Variants in C10orf67 observed in about 807,000 individuals in gnomAD.
The protein encoded by C10orf67 is uncharacterized protein C10orf67, mitochondrial.
In C10orf67, 60 loss-of-function variants were observed where a neutral mutation model predicts 35.6. The observed-to-expected ratio is 1.68, with a 90% CI of 1.37 to 2.09. The LOEUF (loss-of-function observed/expected upper bound fraction) is 2.09. Among genes scored for constraint, C10orf67 ranks in the 30% most tolerant of loss-of-function variants. The probability of loss-of-function intolerance (pLI) is 0.00; values close to 1 mark genes in which losing one functional copy is unlikely to be tolerated. For missense variants in C10orf67, 474 were observed against 330.2 expected (o/e 1.44, Z -3.38); for synonymous variants, 167 against 115.8 (o/e 1.44, Z -2.84).
chr10:23,329,183 T>C (rs1407406778), intron 2 of C10orf67, among the ~76,000 whole-genome samples: 1 of 151,822 alleles, frequency 6.6e-6, no homozygotes, highest in Non-Finnish European at 1.5e-5. Flanking sequence ...TAGACAATTC[T>C]GCCAAGAGTC....
At chr10:23,289,248 C>G (rs117414485) in intron 7 of C10orf67, among the ~76,000 whole-genome samples, 8 of 152,048 alleles carry the variant, frequency 5.3e-5, no homozygotes, top group Non-Finnish European at 7.4e-5. Flanking sequence ...ACTGCAGCCC[C>G]GAACTTCTGA....
At chr10:23,228,890 T>A (rs1401790930) in intron 13 of C10orf67, among the ~76,000 whole-genome samples, 1 of 152,054 alleles carries the variant, frequency 6.6e-6, no homozygotes, top group Non-Finnish European at 1.5e-5. Context: ...TGAGATACCA[T>A]CTCACACCAA....
intron 15 of C10orf67, among the ~76,000 whole-genome samples, chr10:23,216,612 A>T (rs1841438189): frequency 6.6e-6 from 1 of 152,216 alleles, no homozygotes; most frequent in Non-Finnish European, 1.5e-5. Context: ...TAGAATATTC[A>T]TATTATACAA....
intron 13 of C10orf67, among the ~76,000 whole-genome samples, chr10:23,236,604 G>A (rs1161127553): frequency 6.6e-5 from 10 of 152,162 alleles, no homozygotes; most frequent in East Asian, 3.9e-4. Context: ...TTGGCCGGGC[G>A]TGGTGGCTCA....
Position 23,329,772 on chromosome 10 carries a change from T to C in C10orf67, c.327+3290A>G, listed in dbSNP as rs1328140547. On this transcript the variant is annotated intron_variant, in intron 2 of 15. Coordinates refer to ENST00000636213, the MANE Select transcript of C10orf67 (RefSeq NM_001371909.1). ...TTATGATTGTCACTGCACTCCAGCC[T>C]GGGCAACAGAACAAGAACTTGTCTC... Among the ~76,000 whole-genome samples the C allele has an allele frequency of 1.0e-4, 6 of 57,312 alleles. No homozygotes were observed. In the Admixed American group the frequency reaches 1.6e-3, roughly 15 times the overall value. 37.6% of individuals were successfully genotyped at this position (57,312 alleles called of 152,430 possible).
chr10:23,302,879 T>C (rs1249173949), intron 5 of C10orf67, among the ~76,000 whole-genome samples: 2 of 152,330 alleles, frequency 1.3e-5, no homozygotes, highest in Non-Finnish European at 2.9e-5. Flanking sequence ...ATATTTTTAT[T>C]TAAATGTCAT....
intron 5 of C10orf67, among the ~76,000 whole-genome samples, chr10:23,299,312 A>G (rs1843994822): frequency 6.6e-6 from 1 of 152,074 alleles, no homozygotes; most frequent in Non-Finnish European, 1.5e-5. Flanking sequence ...CCTTGGGTCT[A>G]AGGGGGTACT....
At chr10:23,270,245 G>C (rs747300644) in intron 8 of C10orf67, among the ~76,000 whole-genome samples, 1 of 152,142 alleles carries the variant, frequency 6.6e-6, no homozygotes, top group East Asian at 1.9e-4. Flanking sequence ...AAGCAGGGTG[G>C]GGTGATGGTC....
At chr10:23,285,803 T>A (rs1843510286) in intron 7 of C10orf67, among the ~76,000 whole-genome samples, 1 of 152,382 alleles carries the variant, frequency 6.6e-6, no homozygotes, top group South Asian at 2.1e-4. Context: ...ATTTAAATAA[T>A]TGGAAATTAA....
chr10:23,287,778 A>T (rs1304027640), intron 7 of C10orf67, among the ~76,000 whole-genome samples: 5 of 152,210 alleles, frequency 3.3e-5, no homozygotes. Context: ...TTACAAGAAA[A>T]AAACAAACAA....
chr10:23,298,811 T>A (rs1259428501), intron 5 of C10orf67, among the ~76,000 whole-genome samples: 1 of 152,212 alleles, frequency 6.6e-6, no homozygotes, highest in Non-Finnish European at 1.5e-5. Context: ...GGTGGCTTGA[T>A]GACACAAGGT....
chr10:23,202,393 A>C (rs1005125526), downstream of C10orf67: 1 of 152,090 alleles, frequency 6.6e-6, no homozygotes, highest in Non-Finnish European at 1.5e-5. Flanking sequence ...AACCGGCCTC[A>C]GCCCTTTCTG....
intron 15 of C10orf67, among the ~76,000 whole-genome samples, chr10:23,215,297 C>A (rs1841400300): frequency 7.0e-6 from 1 of 143,654 alleles, no homozygotes; most frequent in African/African-American, 2.5e-5. Flanking sequence ...GAAGAGATAT[C>A]TTTTTTTTTT....
At chr10:23,219,071 T>C (rs1264466165) in intron 15 of C10orf67, among the ~76,000 whole-genome samples, 5 of 152,216 alleles carry the variant, frequency 3.3e-5, no homozygotes, top group African/African-American at 1.2e-4. Context: ...AACATACTTA[T>C]TGAAAATATA....
intron 13 of C10orf67, among the ~76,000 whole-genome samples, chr10:23,237,432 T>C (rs1413775860): frequency 6.6e-6 from 1 of 152,222 alleles, no homozygotes; most frequent in Non-Finnish European, 1.5e-5. Flanking sequence ...CTGAGAGATA[T>C]TAAAACAAAC....
chr10:23,328,993 C>CAAAAAAAAA (rs57772405), intron 2 of C10orf67, among the ~76,000 whole-genome samples: 123 of 78,714 alleles, frequency 1.6e-3, no homozygotes, highest in Non-Finnish European at 1.8e-3. Context: ...CATAAACGAA[C>CAAAAAAAAA]AAAAAAAAAA....
intron 5 of C10orf67, among the ~76,000 whole-genome samples, chr10:23,295,030 C>G (rs1420827086): frequency 6.6e-6 from 1 of 152,158 alleles, no homozygotes; most frequent in East Asian, 1.9e-4. Context: ...TTTCCATCAC[C>G]CTCAGTCAGG....
At chr10:23,227,599 A>C (rs1451311568) in intron 13 of C10orf67, among the ~76,000 whole-genome samples, 1 of 152,188 alleles carries the variant, frequency 6.6e-6, no homozygotes, top group Admixed American at 6.5e-5. Flanking sequence ...GCAATCAGGC[A>C]GGAGAAAGAA....
At chr10:23,303,711 G>T (rs1012449936) in intron 4 of C10orf67, among the ~76,000 whole-genome samples, 1 of 152,198 alleles carries the variant, frequency 6.6e-6, no homozygotes, top group African/African-American at 2.4e-5. Flanking sequence ...AAAACACAAA[G>T]CATGGTCAGT....
Sources: allele counts gnomAD v4.1 joint callset (sites outside exome capture counted in the v4.1 genomes callset), GRCh38; gene constraint gnomAD v4.1.1; transcripts MANE v1.5; gene names NCBI Gene and HGNC (gene_info 2026-07-23, HGNC 2026-07-21).